Variants in UBE2D3 observed in about 807,000 individuals in gnomAD.
UBE2D3 encodes ubiquitin conjugating enzyme E2 D3, also known as ubiquitin-conjugating enzyme E2 D3.
In UBE2D3, 2 loss-of-function variants were observed where a neutral mutation model predicts 22.8. That is an observed-to-expected ratio of 0.09 (90% CI 0.04 to 0.28). The LOEUF (loss-of-function observed/expected upper bound fraction) is 0.28. UBE2D3 is among the 10% of genes least tolerant of loss of function. The pLI is 1.00. For synonymous variants in UBE2D3, 56 were observed against 60.4 expected, an observed-to-expected ratio of 0.93 and a Z score of 0.34; for missense variants, 27 against 182.5, an observed-to-expected ratio of 0.15 and a Z score of 4.91.
At chr4:102,837,297 T>G (rs1731462847) in intron 1 of UBE2D3, among the ~76,000 whole-genome samples, 1 of 152,196 alleles carries the variant, frequency 6.6e-6, no homozygotes, top group South Asian at 2.1e-4. Context: ...TTATAGAAAC[T>G]GACAATTATA....
exon 1 of UBE2D3, chr4:102,868,746 C>T: frequency 6.2e-7 from 1 of 1,614,128 alleles, no homozygotes; most frequent in Non-Finnish European, 8.5e-7. Context: ...AGAAAGCATT[C>T]TCACATGCTT....
intron 4 of UBE2D3, among the ~76,000 whole-genome samples, chr4:102,807,553 C>G (rs1727260828): frequency 6.6e-6 from 1 of 152,100 alleles, no homozygotes; most frequent in African/African-American, 2.4e-5. Context: ...TGTGGTTAAT[C>G]AGGTTAATAT....
At chr4:102,813,588 T>C (rs932380949) in intron 2 of UBE2D3, among the ~76,000 whole-genome samples, 4 of 152,132 alleles carry the variant, frequency 2.6e-5, no homozygotes, top group Non-Finnish European at 5.9e-5. Flanking sequence ...ATATACAAGT[T>C]GAGAACAGGC....
intron 2 of UBE2D3, among the ~76,000 whole-genome samples, chr4:102,817,518 AC>A (rs563921975): frequency 3.4e-3 from 515 of 152,276 alleles, no homozygotes; most frequent in Non-Finnish European, 5.5e-3. Flanking sequence ...GTACCTACTA[AC>A]AACTTAAAAA....
At chr4:102,868,811 A>C (rs1039089801) in exon 1 of UBE2D3, 2 of 1,609,302 alleles carry the variant, frequency 1.2e-6, no homozygotes, top group Non-Finnish European at 1.7e-6. Flanking sequence ...CAGACGTTAA[A>C]GGCCCAAGAG....
chr4:102,836,101 T>C (rs921717493), intron 1 of UBE2D3, among the ~76,000 whole-genome samples: 1 of 152,032 alleles, frequency 6.6e-6, no homozygotes, highest in African/African-American at 2.4e-5. Flanking sequence ...TTTGCCACAA[T>C]TTATCCATTC....
At chr4:102,838,537 C>T (rs1200648937) in intron 1 of UBE2D3, among the ~76,000 whole-genome samples, 1 of 152,080 alleles carries the variant, frequency 6.6e-6, no homozygotes, top group African/African-American at 2.4e-5. Flanking sequence ...AATGAATAAT[C>T]GAGGCATCAG....
chr4:102,827,873 A>C, upstream of UBE2D3: 2 of 985,362 alleles, frequency 2.0e-6, no homozygotes, highest in Non-Finnish European at 2.4e-6. Context: ...CCATGGGAGG[A>C]AGGTAAAGGA....
chr4:102,797,724 A>G (rs1725424074), intron 7 of UBE2D3, among the ~76,000 whole-genome samples: 1 of 151,966 alleles, frequency 6.6e-6, no homozygotes, highest in Non-Finnish European at 1.5e-5. Flanking sequence ...AAAAATCAAA[A>G]GACCCTTTCT....
chr4:102,838,250 A>C (rs969487772), intron 1 of UBE2D3, among the ~76,000 whole-genome samples: 1 of 152,210 alleles, frequency 6.6e-6, no homozygotes, highest in African/African-American at 2.4e-5. Context: ...GAGGTATGCT[A>C]TACCTTTTAC....
At chr4:102,839,504 A>G (rs1268688344) in intron 1 of UBE2D3, among the ~76,000 whole-genome samples, 1 of 152,112 alleles carries the variant, frequency 6.6e-6, no homozygotes, top group African/African-American at 2.4e-5. Flanking sequence ...AACTCCTGGG[A>G]TCAAGCAACC....
chr4:102,807,778 A>T (rs971365010), intron 4 of UBE2D3, among the ~76,000 whole-genome samples: 4 of 152,326 alleles, frequency 2.6e-5, no homozygotes, highest in South Asian at 4.1e-4. Flanking sequence ...TTCTCTAAAA[A>T]AATTACTACC....
rs1210498200 is a variant in UBE2D3 at position 102,797,228 on chromosome 4, T to C, written c.*187A>G. ...TTACAGTTTCTAAAAGCAGTTATTG[T>C]CCAAAGCTGGAAGAACTTAAGTCTT... On this transcript the variant is annotated 3_prime_UTR_variant, in exon 8 of 8. Transcript: ENST00000453744. 1.4e-5 allele frequency: 7 copies of C among 491,032 alleles called. No homozygotes were observed. Among genetic ancestry groups the C allele is most frequent in the Non-Finnish European group, 2.2e-5 (6 of 275,130 alleles). The allele number at this position is 491,032 out of a possible 1,614,324, so 30.4% of individuals were successfully genotyped here. A position where few individuals can be genotyped will look rare whatever the true frequency, so the allele number is the denominator to read the frequency against.
intron 4 of UBE2D3, among the ~76,000 whole-genome samples, chr4:102,808,159 T>C (rs1410713324): frequency 1.3e-5 from 2 of 152,174 alleles, no homozygotes; most frequent in Admixed American, 6.5e-5. Context: ...ATTGACCTAG[T>C]AGGCACTGTG....
intron 1 of UBE2D3, among the ~76,000 whole-genome samples, chr4:102,868,122 G>T (rs1294404120): frequency 5.0e-5 from 7 of 138,728 alleles, no homozygotes; most frequent in Non-Finnish European, 9.0e-5. Flanking sequence ...TCCCAGGCTA[G>T]AGTGCAGTGG....
At chr4:102,856,290 C>T (rs1177819093) in intron 1 of UBE2D3, among the ~76,000 whole-genome samples, 1 of 152,234 alleles carries the variant, frequency 6.6e-6, no homozygotes, top group East Asian at 1.9e-4. Flanking sequence ...TTTCTTGCAA[C>T]TGGGAGGCAG....
At chr4:102,855,041 C>A (rs984939178) in intron 1 of UBE2D3, among the ~76,000 whole-genome samples, 11 of 152,176 alleles carry the variant, frequency 7.2e-5, no homozygotes, top group East Asian at 1.9e-4. Flanking sequence ...AATATTGGGG[C>A]ATTCACCCCT....
chr4:102,827,660 C>T, upstream of UBE2D3: 3 of 986,296 alleles, frequency 3.0e-6, no homozygotes, highest in Non-Finnish European at 3.6e-6. Context: ...GAGGCCGAAG[C>T]CAGACGGCTT....
intron 2 of UBE2D3, among the ~76,000 whole-genome samples, chr4:102,821,757 G>T (rs1729653701): frequency 6.6e-6 from 1 of 152,120 alleles, no homozygotes; most frequent in East Asian, 1.9e-4. Flanking sequence ...AATATTTCAT[G>T]CAACCCATAA....
Sources: allele counts gnomAD v4.1 joint callset (sites outside exome capture counted in the v4.1 genomes callset), GRCh38; gene constraint gnomAD v4.1.1; transcripts MANE v1.5; gene names NCBI Gene and HGNC (gene_info 2026-07-23, HGNC 2026-07-21).